COX17: variants seen among roughly 807,000 people sequenced by gnomAD.
COX17 encodes the protein cytochrome c oxidase copper chaperone.
A neutral mutation model predicts 6.3 loss-of-function variants in COX17; 1 was observed. The observed-to-expected ratio is 0.16, with a 90% CI of 0.06 to 0.75. The LOEUF (loss-of-function observed/expected upper bound fraction) is 0.75, where lower values mean the gene tolerates loss of function less well. Among genes scored for constraint, COX17 ranks in the 30% least tolerant of loss-of-function variants. The pLI is 0.77. For synonymous variants in COX17, 26 were observed against 30.5 expected (o/e 0.85, Z 0.49); for missense variants, 73 against 81.2 (o/e 0.90, Z 0.39).
chr3:119,664,337 T>C (rs1418975822), intron 3 of COX17, among the ~76,000 whole-genome samples: 2 of 152,176 alleles, frequency 1.3e-5, no homozygotes, highest in African/African-American at 4.8e-5. Context: ...CTAGGCAACA[T>C]AGTGAGACCA....
chr3:119,677,014 G>T lies in COX17; in HGVS notation c.107+190C>A, dbSNP rs1367911965. 4.4e-5 allele frequency: 23 copies of T among 518,594 alleles called. 1 individual carries two copies. The highest frequency in any genetic ancestry group is 3.8e-4 in the South Asian group (21 of 54,692). The allele number at this position is 518,594 out of a possible 1,614,324, so 32.1% of individuals were successfully genotyped here. On this transcript the variant is annotated intron_variant, in intron 1 of 2. Transcript: ENST00000261070. Reference sequence around the variant, plus strand: ...CCAGAGCGCCGCAATGGGGCGGGGCGGGGCGGGGCGGGGGGGGGGGGCAGA... The same window carrying T: ...CCAGAGCGCCGCAATGGGGCGGGGCTGGGCGGGGCGGGGGGGGGGGGCAGA...
downstream of COX17, chr3:119,667,000 T>C (rs148433993): frequency 6.6e-6 from 1 of 152,266 alleles, no homozygotes; most frequent in East Asian, 1.9e-4. Flanking sequence ...ATAAGGACCA[T>C]GGTTTTTCCA....
chr3:119,677,158 G>T, intron 1 of COX17, 46 bp downstream of exon 1: 1 of 1,513,296 alleles, frequency 6.6e-7, no homozygotes, highest in Non-Finnish European at 9.1e-7. Context: ...GGCACAGGCC[G>T]CGGCCCGGGG....
At chr3:119,667,688 TACACACACAC>T (rs58875404), downstream of COX17, among the ~76,000 whole-genome samples, 1,465 of 136,836 alleles carry the variant, frequency 0.011, 15 homozygotes, top group Non-Finnish European at 0.012. Context: ...GTAAAAGGTG[TACACACACAC>T]ACACACACAC....
At chr3:119,672,229 G>A (rs2053051812) in intron 2 of COX17, among the ~76,000 whole-genome samples, 1 of 152,188 alleles carries the variant, frequency 6.6e-6, no homozygotes, top group Non-Finnish European at 1.5e-5. Context: ...ACCTGCCCAA[G>A]ACCACACAAT....
chr3:119,676,513 T>C (rs182618500), intron 1 of COX17, among the ~76,000 whole-genome samples: 11 of 152,352 alleles, frequency 7.2e-5, no homozygotes, highest in African/African-American at 1.9e-4. Context: ...CTTTTGTGGA[T>C]TGACAATCTA....
downstream of COX17, among the ~76,000 whole-genome samples, chr3:119,666,766 G>A (rs921242967): frequency 6.6e-6 from 1 of 152,094 alleles, no homozygotes; most frequent in African/African-American, 2.4e-5. Flanking sequence ...CTTGAAAAAC[G>A]TGTCTGATTC....
At chr3:119,665,635 A>G (rs2052986946), downstream of COX17, among the ~76,000 whole-genome samples, 1 of 152,190 alleles carries the variant, frequency 6.6e-6, no homozygotes, top group South Asian at 2.1e-4. Flanking sequence ...CAGTCTCCCA[A>G]AGTGCTGGGA....
intron 3 of COX17, among the ~76,000 whole-genome samples, chr3:119,663,989 GA>G (rs1470898442): frequency 6.6e-6 from 1 of 152,176 alleles, no homozygotes; most frequent in Non-Finnish European, 1.5e-5. Flanking sequence ...CTCATTTGTT[GA>G]GCTGATTCAA....
At chr3:119,676,752 G>T (rs1009139935) in intron 1 of COX17, 1 of 690,718 alleles carries the variant, frequency 1.4e-6, no homozygotes, top group Admixed American at 2.0e-5. Context: ...CAAGTCACTG[G>T]TTTATGTCTC....
chr3:119,676,045 C>T (rs1461354225), intron 1 of COX17, among the ~76,000 whole-genome samples: 1 of 152,194 alleles, frequency 6.6e-6, no homozygotes, highest in Non-Finnish European at 1.5e-5. Context: ...TCATTTATTG[C>T]CATGTATACT....
At chr3:119,671,204 C>T (rs1351368679) in intron 2 of COX17, among the ~76,000 whole-genome samples, 1 of 152,170 alleles carries the variant, frequency 6.6e-6, no homozygotes, top group Non-Finnish European at 1.5e-5. Flanking sequence ...CTAGGAGTTT[C>T]TCAGTCAACA....
Position 119,677,295 on chromosome 3 carries a change from C to T in COX17, c.16G>A (p.Asp6Asn). ...GACTCAGGCGGGGCAGGGTTTGAGT[C>T]AACCAGACCCGGCATCTTTCGCGCC... MPGLVDSNPAPPESQE... is the reference protein window; with the variant it reads MPGLVNSNPAPPESQE... Residue 6 changes from aspartate to asparagine, a missense_variant, in exon 1 of 3, where the codon GAC becomes AAC. By Grantham distance (23) the Asp-to-Asn change is conservative. Transcript: ENST00000261070. 2 of 1,611,732 alleles carry T rather than the reference C, an allele frequency of 1.2e-6. No individual in the cohort carries two copies. The highest frequency in any genetic ancestry group is 1.7e-6 in the Non-Finnish European group (2 of 1,179,816).
chr3:119,664,714 C>A (rs113119073), downstream of COX17, among the ~76,000 whole-genome samples: 449 of 152,290 alleles, frequency 2.9e-3, 3 homozygotes, highest in African/African-American at 0.01. Flanking sequence ...TGACTTTAGA[C>A]ATTTTTTATA....
downstream of COX17, among the ~76,000 whole-genome samples, chr3:119,668,169 G>C (rs191074373): frequency 2.0e-5 from 3 of 152,240 alleles, no homozygotes; most frequent in Admixed American, 2.0e-4. Context: ...TTTAAAAAAT[G>C]TATAAAGGCA....
downstream of COX17, among the ~76,000 whole-genome samples, chr3:119,665,913 T>C (rs1202792688): frequency 6.6e-6 from 1 of 152,254 alleles, no homozygotes; most frequent in Non-Finnish European, 1.5e-5. Context: ...AACATCAGAA[T>C]TATTTTGCTC....
At chr3:119,672,085 G>A (rs2053050390) in intron 2 of COX17, among the ~76,000 whole-genome samples, 1 of 152,136 alleles carries the variant, frequency 6.6e-6, no homozygotes, top group Non-Finnish European at 1.5e-5. Flanking sequence ...AACTCTAAAG[G>A]TATGAGCTAT....
At chr3:119,673,197 C>T (rs2053062476) in intron 2 of COX17, among the ~76,000 whole-genome samples, 1 of 152,164 alleles carries the variant, frequency 6.6e-6, no homozygotes, top group South Asian at 2.1e-4. Context: ...CACAACCCAC[C>T]TTGGGGGCCA....
chr3:119,664,508 G>A (rs534586115), intron 3 of COX17, among the ~76,000 whole-genome samples: 6 of 152,320 alleles, frequency 3.9e-5, no homozygotes, highest in East Asian at 3.9e-4. Flanking sequence ...AACAAAATAC[G>A]TGGCATATTC....
Sources: allele counts gnomAD v4.1 joint callset (sites outside exome capture counted in the v4.1 genomes callset), GRCh38; gene constraint gnomAD v4.1.1; transcripts MANE v1.5; gene names NCBI Gene and HGNC (gene_info 2026-07-23, HGNC 2026-07-21).